The following MAML3 variants were observed in gnomAD, a reference collection of about 807,000 sequenced individuals.
MAML3 encodes the protein mastermind like transcriptional coactivator 3, also known as mastermind-like protein 3.
In MAML3, 27 loss-of-function variants were observed where a neutral mutation model predicts 101.9. The observed-to-expected ratio is 0.27, with a 90% CI of 0.20 to 0.37. The LOEUF (loss-of-function observed/expected upper bound fraction) is 0.37. Ranked by LOEUF, MAML3 falls within the 10% of genes least tolerant of loss-of-function variation. The pLI is 1.00. For missense variants in MAML3, 1,316 were observed against 1,444.9 expected, an observed-to-expected ratio of 0.91 and a Z score of 1.45; for synonymous variants, 501 against 555.9, an observed-to-expected ratio of 0.90 and a Z score of 1.39.
intron 1 of MAML3, among the ~76,000 whole-genome samples, chr4:139,930,421 C>T (rs769683): frequency 0.017 from 2,627 of 152,234 alleles, 68 homozygotes; most frequent in African/African-American, 0.06. Flanking sequence ...CGAAGAGGAA[C>T]GGTCCCAGCC....
At chr4:139,760,084 T>A (rs1406861861) in intron 2 of MAML3, among the ~76,000 whole-genome samples, 24 of 152,142 alleles carry the variant, frequency 1.6e-4, no homozygotes, top group Non-Finnish European at 1.3e-4. Flanking sequence ...AAGTCAAGAG[T>A]AGGTTCCTTG....
chr4:139,860,780 A>C (rs992914428), intron 2 of MAML3, among the ~76,000 whole-genome samples: 5 of 152,226 alleles, frequency 3.3e-5, no homozygotes, highest in African/African-American at 1.2e-4. Flanking sequence ...TACTCAGTAA[A>C]AACACTGAGT....
intron 1 of MAML3, among the ~76,000 whole-genome samples, chr4:140,025,596 A>G (rs1321181453): frequency 6.6e-6 from 1 of 152,202 alleles, no homozygotes; most frequent in African/African-American, 2.4e-5. Flanking sequence ...GAGGCCAGGA[A>G]AAAGAATAAG....
chr4:140,060,139 G>A (rs1727419617), intron 1 of MAML3, among the ~76,000 whole-genome samples: 1 of 152,006 alleles, frequency 6.6e-6, no homozygotes, highest in South Asian at 2.1e-4. Flanking sequence ...GCTGAGGCGG[G>A]TGGATCACCT....
At chr4:140,049,468 G>A (rs1008883102) in intron 1 of MAML3, among the ~76,000 whole-genome samples, 6 of 152,142 alleles carry the variant, frequency 3.9e-5, no homozygotes, top group African/African-American at 1.4e-4. Context: ...GTGTGCGGAT[G>A]GTTTAAAACG....
intron 1 of MAML3, among the ~76,000 whole-genome samples, chr4:140,008,351 T>TA (rs566756186): frequency 0.01 from 1,516 of 147,040 alleles, 7 homozygotes; most frequent in Middle Eastern, 0.014. Flanking sequence ...CAGTCTCAAT[T>TA]AAAAAAAAAA....
At chr4:139,902,653 C>G (rs1732749815) in intron 1 of MAML3, among the ~76,000 whole-genome samples, 1 of 152,218 alleles carries the variant, frequency 6.6e-6, no homozygotes, top group Non-Finnish European at 1.5e-5. Flanking sequence ...AGCCCGTAAA[C>G]AGCAGAGCTC....
At chr4:139,845,150 A>G (rs761003569) in intron 2 of MAML3, among the ~76,000 whole-genome samples, 13 of 152,110 alleles carry the variant, frequency 8.5e-5, no homozygotes, top group Non-Finnish European at 1.8e-4. Context: ...GTAGGTATCA[A>G]TGATAGGGTA....
At chr4:140,010,377 C>T (rs1354828202) in intron 1 of MAML3, among the ~76,000 whole-genome samples, 2 of 152,058 alleles carry the variant, frequency 1.3e-5, no homozygotes, top group Non-Finnish European at 2.9e-5. Flanking sequence ...ATGTTTGTGC[C>T]GTATGGTGTT....
At chr4:140,044,283 G>T (rs1390501996) in intron 1 of MAML3, among the ~76,000 whole-genome samples, 2 of 152,176 alleles carry the variant, frequency 1.3e-5, no homozygotes, top group Non-Finnish European at 2.9e-5. Context: ...AAAGGGTGGA[G>T]TGGAAAGGAA....
intron 1 of MAML3, among the ~76,000 whole-genome samples, chr4:139,970,558 G>T (rs750878473): frequency 6.6e-6 from 1 of 152,186 alleles, no homozygotes; most frequent in Non-Finnish European, 1.5e-5. Flanking sequence ...AAGGTGATTA[G>T]GAGGACGCCC....
At chr4:139,883,711 G>A (rs1732266109) in intron 2 of MAML3, among the ~76,000 whole-genome samples, 1 of 152,064 alleles carries the variant, frequency 6.6e-6, no homozygotes, top group South Asian at 2.1e-4. Context: ...CAGAAATTAA[G>A]AGTGGCGTGG....
At chr4:139,721,934 G>C (rs1159838908) in intron 4 of MAML3, among the ~76,000 whole-genome samples, 1 of 152,154 alleles carries the variant, frequency 6.6e-6, no homozygotes, top group Non-Finnish European at 1.5e-5. Flanking sequence ...CAACTGTGGT[G>C]AAATGGGTTA....
chr4:139,938,399 T>C, intron 1 of MAML3, among the ~76,000 whole-genome samples: 1 of 152,232 alleles, frequency 6.6e-6, no homozygotes. Flanking sequence ...AAAGCCAGTA[T>C]GAGGCAGGCT....
intron 2 of MAML3, 100 bp downstream of exon 2, chr4:139,889,257 A>G: frequency 3.7e-6 from 6 of 1,607,290 alleles, no homozygotes; most frequent in Non-Finnish European, 4.2e-6. Flanking sequence ...TCTGCAGGCA[A>G]TTAGACCCCA....
At chr4:140,051,099 T>C (rs996573208) in intron 1 of MAML3, among the ~76,000 whole-genome samples, 8 of 152,190 alleles carry the variant, frequency 5.3e-5, no homozygotes, top group Admixed American at 2.0e-4. Flanking sequence ...TATACTTCTC[T>C]GAAGGCATAG....
At chr4:139,842,522 A>ATTTTTATTTTTAT (rs57436488) in intron 2 of MAML3, among the ~76,000 whole-genome samples, 1 of 151,042 alleles carries the variant, frequency 6.6e-6, no homozygotes, top group Non-Finnish European at 1.5e-5. Context: ...TTTTATTTTT[A>ATTTTTATTTTTAT]TTTTTATTTG....
chr4:139,890,083 C>T lies in MAML3; in HGVS notation c.1353G>A (p.Ala451=), dbSNP rs372864740. 7.4e-5 allele frequency: 119 copies of T among 1,612,606 alleles called. No homozygotes were observed. Among genetic ancestry groups the T allele is most frequent in the African/African-American group, 6.4e-4 (48 of 75,008 alleles). Residue 451 remains alanine (A), a synonymous_variant, in exon 2 of 5, where the codon GCG becomes GCA. Transcript: ENST00000509479. The surrounding 1 kb of genome is among the most constrained non-coding windows in gnomAD (Gnocchi z 4.1). ...AGCTGGGCACAGCCACAGGCCCTGA[C>T]GCTGAACCGGCCACTGTCACTGCTG... ...NPAAVTVAGS[A]SGPVAVPSSD...
intron 1 of MAML3, among the ~76,000 whole-genome samples, chr4:140,144,461 T>C (rs922396796): frequency 2.0e-5 from 3 of 151,212 alleles, no homozygotes; most frequent in Admixed American, 6.6e-5. Context: ...GGCAGGGGAA[T>C]TGCTTGAACC....
Sources: allele counts gnomAD v4.1 joint callset (sites outside exome capture counted in the v4.1 genomes callset), GRCh38; gene constraint gnomAD v4.1.1; non-coding constraint Gnocchi (gnomAD v3.1); transcripts MANE v1.5; gene names NCBI Gene and HGNC (gene_info 2026-07-23, HGNC 2026-07-21).